CDK16: variants seen among roughly 807,000 people sequenced by gnomAD.
CDK16 encodes cyclin-dependent kinase 16.
A neutral mutation model predicts 41.6 loss-of-function variants in CDK16; 2 were observed. The observed-to-expected ratio is 0.05, with a 90% CI of 0.02 to 0.15. The LOEUF (loss-of-function observed/expected upper bound fraction) is 0.15. CDK16 is among the 10% of genes least tolerant of loss of function. CDK16 has a pLI of 1.00. For missense variants in CDK16, 228 were observed against 428.9 expected (o/e 0.53, Z 4.14); for synonymous variants, 169 against 169.7 (o/e 1.00, Z 0.03).
Position 47,226,252 on chromosome X carries a change from C to G in CDK16, c.793-27C>G, listed in dbSNP as rs772674979. ...GTCGGGCTAGTGGATAGTCTTTGAC[C>G]TCTGCCTGCCATTCCTGGGTCCCCA... is the stretch of plus-strand genomic sequence containing the variant. On this transcript the variant is annotated intron_variant, in intron 8 of 15. Transcript: ENST00000357227. 4.1e-6 allele frequency: 5 copies of G among 1,209,682 alleles called. No individual in the cohort carries two copies. The South Asian group carries it at 7.0e-5, about 17-fold the overall frequency.
chrX:47,218,718 G>A lies in CDK16; in HGVS notation c.-394G>A. On this transcript the variant is annotated 5_prime_UTR_variant, in exon 1 of 16. Coordinates refer to ENST00000357227, the MANE Select transcript of CDK16 (RefSeq NM_006201.5). ...TCCGAGCGCCTGCGTGCGCATGCGCGGAGCGCGGCGCGCGCGGCGGTTGGG... is the reference window on the plus strand; with the variant it reads ...TCCGAGCGCCTGCGTGCGCATGCGCAGAGCGCGGCGCGCGCGGCGGTTGGG... The A allele has an allele frequency of 6.9e-6, 8 of 1,161,746 alleles. No individual in the cohort carries two copies. The highest frequency in any genetic ancestry group is 5.7e-5 in the South Asian group (3 of 52,244).
Position 47,229,744 on chromosome X carries a change from T to A in CDK16, c.*976T>A, listed in dbSNP as rs2055311528. ...AATGTGCATATGTGCACAAGCAGGG[T>A]TGGGGGAGGGGGGTGTGAGGGGTTG... On this transcript the variant is annotated 3_prime_UTR_variant, in exon 16 of 16. Transcript: ENST00000357227. 1 of 125,481 alleles carries A rather than the reference T, an allele frequency of 8.0e-6. No homozygotes were observed. Among genetic ancestry groups the A allele is most frequent in the African/African-American group, 3.2e-5 (1 of 30,814 alleles). The allele number at this position is 125,481 out of a possible 1,213,427, so 10.3% of individuals were successfully genotyped here.
rs201462487 is a variant in CDK16, at chrX:47,226,427, T to C, written c.916+25T>C. ...GGTACCACTGGCCTCCCCTTTCTTA[T>C]TGGCTCCCCAGCCTCCTACTTTCCC... On this transcript the variant is annotated intron_variant, in intron 9 of 15. Transcript: ENST00000357227. The C allele has an allele frequency of 2.4e-5, 29 of 1,203,517 alleles. 1 individual carries two copies. The South Asian group carries it at 4.6e-4, about 19-fold the overall frequency.
chrX:47,219,789 G>T (rs782143390), intron 1 of CDK16, among the ~76,000 whole-genome samples: 2 of 110,851 alleles, frequency 1.8e-5, no homozygotes, highest in South Asian at 3.8e-4. Context: ...TGGTGTGTGC[G>T]CCAGTGGGGG....
chrX:47,224,033 C>T (rs1937466007), intron 2 of CDK16, among the ~76,000 whole-genome samples: 1 of 111,599 alleles, frequency 9.0e-6, no homozygotes. Flanking sequence ...TGCCCTTCTG[C>T]CCTCTATGAT....
intron 1 of CDK16, among the ~76,000 whole-genome samples, chrX:47,222,650 CG>C (rs1328942850): frequency 2.5e-3 from 2 of 790 alleles, no homozygotes; most frequent in African/African-American, 6.2e-3. Context: ...GGAATGATGG[CG>C]GGGGGGTGTG....
At chrX:47,224,119 T>C (rs1937470119) in intron 2 of CDK16, among the ~76,000 whole-genome samples, 1 of 110,982 alleles carries the variant, frequency 9.0e-6, no homozygotes, top group African/African-American at 3.3e-5. Context: ...TGCCACCACC[T>C]AGCTGCCGGC....
intron 1 of CDK16, among the ~76,000 whole-genome samples, chrX:47,220,498 G>A (rs990636235): frequency 9.1e-6 from 1 of 109,642 alleles, no homozygotes; most frequent in African/African-American, 3.3e-5. Context: ...GGGAGTCAGG[G>A]CTGAATGAGA....
Position 47,229,939 on chromosome X carries a change from T to C in CDK16, c.*1171T>C, listed in dbSNP as rs776111088. On this transcript the variant is annotated 3_prime_UTR_variant, in exon 16 of 16. Coordinates refer to ENST00000357227, the MANE Select transcript of CDK16 (RefSeq NM_006201.5). Reference sequence around the variant, plus strand: ...GAGCCCTCCTAGTGGGTTTGGGGGGTTGGGTTCCTGAATGCACCATAATCG... The same window carrying C: ...GAGCCCTCCTAGTGGGTTTGGGGGGCTGGGTTCCTGAATGCACCATAATCG... 1 of 113,269 alleles carries C rather than the reference T, an allele frequency of 8.8e-6. No homozygotes were observed. Among genetic ancestry groups the C allele is most frequent in the Non-Finnish European group, 1.9e-5 (1 of 53,338 alleles). 9.3% of individuals were successfully genotyped at this position (113,269 alleles called of 1,213,427 possible).
chrX:47,227,714 T>C (rs925367908), intron 14 of CDK16: 10 of 389,408 alleles, frequency 2.6e-5, no homozygotes, highest in Non-Finnish European at 4.0e-5. Flanking sequence ...TTTTTTAAAG[T>C]AGACATTTCC....
At chrX:47,223,449 A>T in intron 1 of CDK16, 103 bp from the exon 2 acceptor site, 1 of 970,632 alleles carries the variant, frequency 1.0e-6, no homozygotes, top group Non-Finnish European at 1.4e-6. Context: ...AGCACTGACA[A>T]GTTCATGTCA....
At position 47,223,566 on chromosome X, in the gene CDK16, G is replaced by A. The variant is rs762446019; in HGVS notation, c.9G>A (p.Arg3=). ...CCCTTGCTCAGATCGCCATGGATCGGATGAAGAAGATCAAACGGCAGCTGT... is the reference window on the plus strand; with the variant it reads ...CCCTTGCTCAGATCGCCATGGATCGAATGAAGAAGATCAAACGGCAGCTGT... MD[R]MKKIKRQLSM... is the part of the protein sequence containing the mutation. The change falls in exon 2 of 16, where the codon CGG becomes CGA. Residue 3 remains arginine (R), a synonymous_variant. Transcript: ENST00000357227. The A allele has an allele frequency of 1.1e-5, 13 of 1,209,524 alleles. No homozygotes were observed. The African/African-American group carries it at 2.1e-4, about 20-fold the overall frequency.
chrX:47,223,058 AGTCTGCCT>A (rs1569225035), intron 1 of CDK16: 1 of 1,150,073 alleles, frequency 8.7e-7, no homozygotes, highest in Non-Finnish European at 1.2e-6. Flanking sequence ...CACAGGGAAT[AGTCTGCCT>A]TGGCCTTTGA....
chrX:47,227,095 C>T lies in CDK16; in HGVS notation c.1237C>T (p.Pro413Ser). Reference protein sequence around the residue: ...YRAEALLSHAPRLDSDGADLL... With the variant: ...YRAEALLSHASRLDSDGADLL... ...AGCCGAGGCCCTTTTGAGCCACGCA[C>T]CCCGGTGAGGCTGGTGGGTGGGTGG... The change falls in exon 12 of 16, where the codon CCC (proline) becomes TCC (serine). Residue 413 changes from proline (P) to serine (S), a missense_variant. Coordinates refer to ENST00000357227, the MANE Select transcript of CDK16 (RefSeq NM_006201.5). 2 of 1,210,695 alleles carry T rather than the reference C, an allele frequency of 1.7e-6. No homozygotes were observed. The highest frequency in any genetic ancestry group is 1.1e-6 in the Non-Finnish European group (1 of 894,340).
Position 47,223,542 on chromosome X carries a change from C to T in CDK16, c.-6-10C>T. The T allele has an allele frequency of 3.3e-6, 4 of 1,207,397 alleles. No individual in the cohort carries two copies. The highest frequency in any genetic ancestry group is 4.5e-6 in the Non-Finnish European group (4 of 892,044). ...TAAGAGACCCATTTCCATCCTTGTC[C>T]CTTGCTCAGATCGCCATGGATCGGA... is the stretch of plus-strand genomic sequence containing the variant. On this transcript the variant is annotated splice_polypyrimidine_tract_variant and intron_variant, in intron 1 of 15. Transcript: ENST00000357227.
At chrX:47,223,153 C>T (rs779179328) in intron 1 of CDK16, 17 of 1,155,371 alleles carry the variant, frequency 1.5e-5, no homozygotes, top group Non-Finnish European at 5.7e-6. Flanking sequence ...TCTGGGCACA[C>T]GCCCTGGCCG....
At chrX:47,224,301 T>C (rs1937482105) in intron 2 of CDK16, 84 bp from the exon 3 acceptor site, 1 of 1,027,869 alleles carries the variant, frequency 9.7e-7, no homozygotes, top group Non-Finnish European at 1.3e-6. Flanking sequence ...ACATGTGTGA[T>C]GATGGAATAT....
At position 47,227,631 on chromosome X, in the gene CDK16, TAGTTTTC is replaced by T. The variant is rs775043729; in HGVS notation, c.1375+167_1375+173del. ...TTGTATTTGTTATGAAAACATTTTT[TAGTTTTC>T]AGTTCCTTTTACCTTTCATGAAAAA... On this transcript the variant is annotated intron_variant, in intron 14 of 15. Coordinates refer to ENST00000357227, the MANE Select transcript of CDK16 (RefSeq NM_006201.5). 6.3e-5 allele frequency: 28 copies of T among 443,563 alleles called. No homozygotes were observed. In the African/African-American group the frequency reaches 6.9e-4, roughly 11 times the overall value. The allele number at this position is 443,563 out of a possible 1,213,427, so 36.6% of individuals were successfully genotyped here.
At chrX:47,218,663 A>G (rs868934427), upstream of CDK16, 8 of 1,167,747 alleles carry the variant, frequency 6.9e-6, no homozygotes, top group Middle Eastern at 7.0e-4. Context: ...ATGCAGTCCG[A>G]GGTGAGTCCC....
Sources: allele counts gnomAD v4.1 joint callset (sites outside exome capture counted in the v4.1 genomes callset), GRCh38; gene constraint gnomAD v4.1.1; transcripts MANE v1.5; gene names NCBI Gene and HGNC (gene_info 2026-07-23, HGNC 2026-07-21).